SLC25A26: variants seen among roughly 807,000 people sequenced by gnomAD.
The protein encoded by SLC25A26 is mitochondrial S-adenosylmethionine carrier protein.
In SLC25A26, 36 loss-of-function variants were observed where a neutral mutation model predicts 37.8. That is an observed-to-expected ratio of 0.95 (90% CI 0.73 to 1.26). SLC25A26 has a LOEUF of 1.26. Ranked by LOEUF, SLC25A26 falls within the 50% of genes most tolerant of loss-of-function variation. The pLI, the probability that SLC25A26 is intolerant of heterozygous loss-of-function variation, is 0.00. For missense variants in SLC25A26, 390 were observed against 331.1 expected (o/e 1.18, Z -1.38); for synonymous variants, 129 against 122.5 (o/e 1.05, Z -0.35).
chr3:66,149,096 C>G (rs770187064), intron 1 of SLC25A26, among the ~76,000 whole-genome samples: 1 of 152,126 alleles, frequency 6.6e-6, no homozygotes, highest in Non-Finnish European at 1.5e-5. Context: ...AAACAACATG[C>G]CCCATCTCTG....
intron 5 of SLC25A26, among the ~76,000 whole-genome samples, chr3:66,317,329 GGTTT>G (rs1453403337): frequency 6.6e-6 from 1 of 152,024 alleles, no homozygotes; most frequent in African/African-American, 2.4e-5. Flanking sequence ...TGTTGCTTTC[GGTTT>G]GTTTTTCTTT....
intron 2 of SLC25A26, among the ~76,000 whole-genome samples, chr3:66,241,862 T>C (rs1416671183): frequency 6.6e-6 from 1 of 151,556 alleles, no homozygotes; most frequent in Non-Finnish European, 1.5e-5. Flanking sequence ...GAGAAGACCA[T>C]GTTTAGGAGC....
At chr3:66,337,439 A>G (rs1384536750) in intron 5 of SLC25A26, among the ~76,000 whole-genome samples, 3 of 152,144 alleles carry the variant, frequency 2.0e-5, no homozygotes, top group Admixed American at 6.5e-5. Context: ...TAAGCCATCA[A>G]TGAGGGACAG....
chr3:66,272,508 T>G (rs945279383), intron 5 of SLC25A26, among the ~76,000 whole-genome samples: 1 of 152,148 alleles, frequency 6.6e-6, no homozygotes, highest in Non-Finnish European at 1.5e-5. Flanking sequence ...GGAATCTGTG[T>G]TGATGGAAGT....
chr3:66,196,606 A>G (rs2071047133), intron 1 of SLC25A26, among the ~76,000 whole-genome samples: 1 of 152,220 alleles, frequency 6.6e-6, no homozygotes, highest in Non-Finnish European at 1.5e-5. Context: ...ATTAAATAAT[A>G]AAGTGTTTAA....
chr3:66,175,309 C>T (rs1414095349), intron 1 of SLC25A26, among the ~76,000 whole-genome samples: 3 of 151,862 alleles, frequency 2.0e-5, no homozygotes, highest in African/African-American at 7.3e-5. Context: ...ATTGAAACCT[C>T]CATCTCCCAG....
intron 5 of SLC25A26, among the ~76,000 whole-genome samples, chr3:66,270,478 A>G (rs2073920293): frequency 6.6e-6 from 1 of 152,204 alleles, no homozygotes; most frequent in African/African-American, 2.4e-5. Context: ...AAAGAAAAAA[A>G]TCCCTGTTTG....
intron 5 of SLC25A26, among the ~76,000 whole-genome samples, chr3:66,317,100 T>C (rs558403520): frequency 1.3e-5 from 2 of 152,336 alleles, no homozygotes; most frequent in South Asian, 4.1e-4. Context: ...GAAGCCTTCT[T>C]CTGTCAATTC....
intron 1 of SLC25A26, among the ~76,000 whole-genome samples, chr3:66,211,025 T>C (rs2106836940): frequency 6.6e-6 from 1 of 152,336 alleles, no homozygotes; most frequent in African/African-American, 2.4e-5. Context: ...GGCACATTAC[T>C]GGACAGCTGG....
rs559237884 is a variant in SLC25A26, at chr3:66,378,324, A to C, written c.*517A>C. 6.5e-6 allele frequency: 1 copy of C among 152,998 alleles called. No homozygotes were observed. The highest frequency in any genetic ancestry group is 2.4e-5 in the African/African-American group (1 of 41,590). 9.5% of individuals were successfully genotyped at this position (152,998 alleles called of 1,614,324 possible). A position where few individuals can be genotyped will look rare whatever the true frequency, so the allele number is the denominator to read the frequency against. On this transcript the variant is annotated 3_prime_UTR_variant, in exon 10 of 10. Coordinates refer to ENST00000354883, the MANE Select transcript of SLC25A26 (RefSeq NM_001379210.1). The stretch of plus-strand genomic sequence containing the variant: ...AAAGATTGAACTACAGGTGCATAGC[A>C]AGCACTCTTTCTGGGTAACTAGGCT...
At chr3:66,365,247 G>C (rs1241307397) in intron 7 of SLC25A26, among the ~76,000 whole-genome samples, 1 of 152,196 alleles carries the variant, frequency 6.6e-6, no homozygotes, top group Non-Finnish European at 1.5e-5. Context: ...ATCCCCATGT[G>C]CTTTTCCAAG....
intron 5 of SLC25A26, among the ~76,000 whole-genome samples, chr3:66,305,506 G>C (rs2075192658): frequency 6.6e-6 from 1 of 152,116 alleles, no homozygotes; most frequent in Non-Finnish European, 1.5e-5. Flanking sequence ...ATGCAGCTTT[G>C]TTACATAGGT....
Position 66,378,651 on chromosome 3 carries a change from A to G in SLC25A26, c.*844A>G, listed in dbSNP as rs1700827154. On this transcript the variant is annotated 3_prime_UTR_variant, in exon 10 of 10. Transcript: ENST00000354883. ...TCCAGGTGTAGAAAAATTCAAAACA[A>G]AATGTCAGGAATCTAGCAGTGTTGT... is the stretch of plus-strand genomic sequence containing the variant. 1 of 152,446 alleles carries G rather than the reference A, an allele frequency of 6.6e-6. No individual in the cohort carries two copies. The highest frequency in any genetic ancestry group is 1.5e-5 in the Non-Finnish European group (1 of 68,034). The allele number at this position is 152,446 out of a possible 1,614,324, so 9.4% of individuals were successfully genotyped here. A position where few individuals can be genotyped will look rare whatever the true frequency, so the allele number is the denominator to read the frequency against.
chr3:66,356,864 AG>A (rs1054767231), intron 6 of SLC25A26, among the ~76,000 whole-genome samples: 1 of 152,022 alleles, frequency 6.6e-6, no homozygotes, highest in African/African-American at 2.4e-5. Flanking sequence ...CCTGGGCTCA[AG>A]TGATCCTCCC....
At chr3:66,331,945 T>A (rs2107682309) in intron 5 of SLC25A26, among the ~76,000 whole-genome samples, 1 of 152,208 alleles carries the variant, frequency 6.6e-6, no homozygotes, top group East Asian at 1.9e-4. Context: ...TGTTTGTTTG[T>A]TTTTGAGACA....
chr3:66,314,241 T>C (rs1207041924), intron 5 of SLC25A26, among the ~76,000 whole-genome samples: 2 of 152,206 alleles, frequency 1.3e-5, no homozygotes, highest in Admixed American at 1.3e-4. Context: ...TTCAGTATGA[T>C]ACGGGCTGTG....
At chr3:66,186,620 A>G (rs1220980351) in intron 1 of SLC25A26, among the ~76,000 whole-genome samples, 4 of 152,048 alleles carry the variant, frequency 2.6e-5, no homozygotes, top group Non-Finnish European at 4.4e-5. Flanking sequence ...CAGATCATAA[A>G]TATGAAAACA....
At position 66,137,810 on chromosome 3, in the gene SLC25A26, G is replaced by A. The variant is rs113303404; in HGVS notation, c.-354+3826G>A. On this transcript the variant is annotated intron_variant, in intron 1 of 10. Transcript: ENST00000676754. ...CTTCTTTCCTTTGCAAAGCTAGTTA[G>A]TATAGTCACATGAACATTTTCTTTT... Among the ~76,000 whole-genome samples, 57 of 152,096 alleles carry A rather than the reference G, an allele frequency of 3.7e-4. 2 individuals carry two copies. The highest frequency in any genetic ancestry group is 1.3e-3 in the African/African-American group (55 of 41,490).
At chr3:66,151,398 C>T (rs565229612) in intron 1 of SLC25A26, among the ~76,000 whole-genome samples, 4 of 152,298 alleles carry the variant, frequency 2.6e-5, no homozygotes, top group Non-Finnish European at 4.4e-5. Context: ...CAGGTTGTGT[C>T]TCACTACCAA....
Sources: allele counts gnomAD v4.1 joint callset (sites outside exome capture counted in the v4.1 genomes callset), GRCh38; gene constraint gnomAD v4.1.1; transcripts MANE v1.5; gene names NCBI Gene and HGNC (gene_info 2026-07-23, HGNC 2026-07-21).